The following MAP3K9 variants were observed in gnomAD, a reference collection of about 807,000 sequenced individuals.
MAP3K9 encodes the protein mitogen-activated protein kinase kinase kinase 9, also known as mixed lineage kinase 1 (tyr and ser/thr specificity).
Under a neutral mutation model 95.8 loss-of-function variants are expected in MAP3K9, and 46 were observed. The observed-to-expected ratio is 0.48, with a 90% CI of 0.38 to 0.61. The LOEUF (loss-of-function observed/expected upper bound fraction) is 0.61, where lower values mean the gene tolerates loss of function less well. Ranked by LOEUF, MAP3K9 falls within the 20% of genes least tolerant of loss-of-function variation. The pLI, the probability that MAP3K9 is intolerant of heterozygous loss-of-function variation, is 0.00. For synonymous variants in MAP3K9, 533 were observed against 593.8 expected (o/e 0.90, Z 1.49); for missense variants, 1,296 against 1,474.3 (o/e 0.88, Z 1.98).
At chr14:70,796,527 G>T (rs563646686) in intron 2 of MAP3K9, among the ~76,000 whole-genome samples, 21 of 152,282 alleles carry the variant, frequency 1.4e-4, no homozygotes, top group Non-Finnish European at 2.4e-4. Flanking sequence ...AACAGATCCT[G>T]ATTCTCAGCT....
At chr14:70,782,656 C>T (rs1235702514) in intron 2 of MAP3K9, among the ~76,000 whole-genome samples, 1 of 152,236 alleles carries the variant, frequency 6.6e-6, no homozygotes, top group Non-Finnish European at 1.5e-5. Flanking sequence ...ACCTCAAGTA[C>T]CTCCTCAGGC....
At chr14:70,736,384 G>A (rs1388901810) in intron 8 of MAP3K9, among the ~76,000 whole-genome samples, 1 of 152,082 alleles carries the variant, frequency 6.6e-6, no homozygotes, top group Non-Finnish European at 1.5e-5. Flanking sequence ...AATGGCTTTT[G>A]TTCATCACGT....
In MAP3K9 at chr14:70,730,490, C is replaced by A. The variant is rs1310892350; in HGVS notation, c.3205G>T (p.Asp1069Tyr). ...PLPPTERTLL[D>Y]LDAEGQSQDS... ...TGACTCTGCCCCTCTGCATCCAGGT[C>A]CAGGAGCGTCCGCTCAGTCGGGGGC... Residue 1069 changes from aspartate to tyrosine, a missense_variant, in exon 12 of 12, where the codon GAC becomes TAC. Physicochemically the swap from Asp to Tyr is radical, Grantham distance 160. This residue lies in a region of MAP3K9 where 433 missense variants were observed against 441.4 expected (regional missense o/e 0.98). Transcript: ENST00000554752. 1 of 1,613,978 alleles carries A rather than the reference C, an allele frequency of 6.2e-7. No homozygotes were observed. The highest frequency in any genetic ancestry group is 8.5e-7 in the Non-Finnish European group (1 of 1,180,046).
At chr14:70,732,206 G>A (rs1057248899) in intron 11 of MAP3K9, among the ~76,000 whole-genome samples, 3 of 152,192 alleles carry the variant, frequency 2.0e-5, no homozygotes, top group Non-Finnish European at 4.4e-5. Flanking sequence ...ATAACTAGAA[G>A]CTAGACTCCT....
chr14:70,803,015 AAT>A (rs1375870212), intron 1 of MAP3K9, among the ~76,000 whole-genome samples: 18 of 152,220 alleles, frequency 1.2e-4, no homozygotes, highest in Admixed American at 2.0e-4. Flanking sequence ...TCCTCACAGT[AAT>A]GAGTGAGTTC....
At chr14:70,755,030 T>C (rs2054279805) in intron 3 of MAP3K9, among the ~76,000 whole-genome samples, 1 of 152,124 alleles carries the variant, frequency 6.6e-6, no homozygotes, top group South Asian at 2.1e-4. Flanking sequence ...AGGAGAACTT[T>C]AGAAGCACAC....
Position 70,748,983 on chromosome 14 carries a change from T to C in MAP3K9, c.1172A>G (p.His391Arg). 1 of 1,613,566 alleles carries C rather than the reference T, an allele frequency of 6.2e-7. No individual in the cohort carries two copies. The highest frequency in any genetic ancestry group is 8.5e-7 in the Non-Finnish European group (1 of 1,179,840). Residue 391 changes from histidine (H) to arginine (R), a missense_variant, in exon 5 of 12, where the codon CAC becomes CGC. Coordinates refer to ENST00000554752, the MANE Select transcript of MAP3K9 (RefSeq NM_001284230.2). ...LMEDCWNPDP[H>R]SRPSFTNILD... ...GATATTCGTGAAAGATGGTCGTGAG[T>C]GGGGATCAGGATTCCAGCAGTCTGA... is the stretch of plus-strand genomic sequence containing the variant.
At chr14:70,756,996 T>A (rs1159089735) in intron 3 of MAP3K9, among the ~76,000 whole-genome samples, 1 of 152,184 alleles carries the variant, frequency 6.6e-6, no homozygotes, top group African/African-American at 2.4e-5. Context: ...CTTAATGAGA[T>A]CAGGTCAGAT....
chr14:70,783,927 A>AAC (rs1192278501), intron 2 of MAP3K9, among the ~76,000 whole-genome samples: 6 of 152,234 alleles, frequency 3.9e-5, no homozygotes, highest in Non-Finnish European at 8.8e-5. Context: ...AAATTTTTTA[A>AAC]ATTCCATAAA....
chr14:70,751,298 T>C (rs2054224122), intron 3 of MAP3K9, among the ~76,000 whole-genome samples: 1 of 152,190 alleles, frequency 6.6e-6, no homozygotes, highest in Non-Finnish European at 1.5e-5. Context: ...CAGGAATAAG[T>C]CAGGACAAGA....
At position 70,748,966 on chromosome 14, in the gene MAP3K9, T is replaced by C. The variant is rs1399847365; in HGVS notation, c.1189A>G (p.Thr397Ala). 2.5e-6 allele frequency: 4 copies of C among 1,613,822 alleles called. No homozygotes were observed. In the African/African-American group the frequency reaches 5.3e-5, roughly 22 times the overall value. The change falls in exon 5 of 12, where the codon ACG (threonine) becomes GCG (alanine). Residue 397 changes from threonine (T) to alanine (A), a missense_variant. Physicochemically the swap from Thr to Ala is moderately conservative, Grantham distance 58 (BLOSUM62 0). Transcript: ENST00000554752. ...GTGGTTAGCTGGTCCAGGATATTCG[T>C]GAAAGATGGTCGTGAGTGGGGATCA... ...NPDPHSRPSF[T>A]NILDQLTTIE... is the part of the protein sequence containing the mutation.
chr14:70,767,452 G>A (rs1230849118), intron 2 of MAP3K9, among the ~76,000 whole-genome samples: 2 of 149,352 alleles, frequency 1.3e-5, no homozygotes, highest in Non-Finnish European at 3.0e-5. Context: ...TGGGATATCT[G>A]TGCATCTTCT....
At chr14:70,739,956 A>T (rs2054045366) in intron 7 of MAP3K9, 86 bp downstream of exon 7, 1 of 1,614,200 alleles carries the variant, frequency 6.2e-7, no homozygotes, top group Admixed American at 1.7e-5. Context: ...GGATGGAGCA[A>T]GCCTGGACCA....
At chr14:70,745,708 G>A (rs1051032436) in intron 5 of MAP3K9, among the ~76,000 whole-genome samples, 7 of 151,694 alleles carry the variant, frequency 4.6e-5, no homozygotes, top group Non-Finnish European at 8.8e-5. Flanking sequence ...ACTGCACTCC[G>A]GCCTAGGTGA....
rs1022130939 is a variant in MAP3K9 at position 70,793,065 on chromosome 14, T to C, written c.820+7602A>G. On this transcript the variant is annotated intron_variant, in intron 2 of 11. Transcript: ENST00000554752. ...TTCAACAAAACTGGAACAGGCACCA[T>C]GAGGAGCGTGACAGGCAGTCCCCAA... Among the ~76,000 whole-genome samples, 3 of 152,300 alleles carry C rather than the reference T, an allele frequency of 2.0e-5. 1 individual carries two copies. Among genetic ancestry groups the C allele is most frequent in the Admixed American group, 2.0e-4 (3 of 15,304 alleles).
At chr14:70,760,715 G>C (rs1416788085) in intron 3 of MAP3K9, among the ~76,000 whole-genome samples, 1 of 152,104 alleles carries the variant, frequency 6.6e-6, no homozygotes, top group Non-Finnish European at 1.5e-5. Context: ...TTACAGCGTA[G>C]AGATGGGAGT....
chr14:70,779,340 C>T (rs189522878), intron 2 of MAP3K9, among the ~76,000 whole-genome samples: 5 of 152,302 alleles, frequency 3.3e-5, no homozygotes, highest in Admixed American at 3.3e-4. Flanking sequence ...AACAGACTGG[C>T]AGTGAGCCAC....
chr14:70,757,685 T>A (rs918242224), intron 3 of MAP3K9, among the ~76,000 whole-genome samples: 5 of 152,024 alleles, frequency 3.3e-5, no homozygotes, highest in African/African-American at 7.3e-5. Context: ...TAAGAAAGGG[T>A]GGTATTGGCA....
Position 70,761,161 on chromosome 14 carries a change from T to A in MAP3K9, c.842A>T (p.Glu281Val), listed in dbSNP as rs1384314056. 1 of 1,613,772 alleles carries A rather than the reference T, an allele frequency of 6.2e-7. No homozygotes were observed. Residue 281 changes from glutamate to valine, a missense_variant, in exon 3 of 12, where the codon GAG (glutamate) becomes GTG (valine). Transcript: ENST00000554752. ...AATCTTGTTGCTCAGGTCTCCATTCTCCACCTTCTGGAGGATCAATACTAG... is the reference window on the plus strand; with the variant it reads ...AATCTTGTTGCTCAGGTCTCCATTCACCACCTTCTGGAGGATCAATACTAG... ...SSNILILQKV[E>V]NGDLSNKILK...
Sources: allele counts gnomAD v4.1 joint callset (sites outside exome capture counted in the v4.1 genomes callset), GRCh38; gene constraint gnomAD v4.1.1; regional missense constraint gnomAD v4.1.1; transcripts MANE v1.5; gene names NCBI Gene and HGNC (gene_info 2026-07-23, HGNC 2026-07-21).